The following EYA1 variants were observed in gnomAD, a reference collection of about 807,000 sequenced individuals.
EYA1 encodes the protein protein phosphatase EYA1.
In EYA1, 16 loss-of-function variants were observed where a neutral mutation model predicts 82.0. That is an observed-to-expected ratio of 0.20 (90% CI 0.13 to 0.30). EYA1 has a LOEUF of 0.30. Ranked by LOEUF, EYA1 falls within the 10% of genes least tolerant of loss-of-function variation. The pLI is 1.00. For missense variants in EYA1, 633 were observed against 730.7 expected (o/e 0.87, Z 1.54); for synonymous variants, 261 against 264.4 (o/e 0.99, Z 0.12).
intron 2 of EYA1, among the ~76,000 whole-genome samples, chr8:71,453,800 G>A (rs865913939): frequency 4.6e-5 from 7 of 152,092 alleles, no homozygotes; most frequent in Admixed American, 1.3e-4. Flanking sequence ...CAACAGGTAC[G>A]AGCCACTGCA....
intron 12 of EYA1, among the ~76,000 whole-genome samples, chr8:71,231,714 C>A (rs62507629): frequency 6.6e-6 from 1 of 152,328 alleles, no homozygotes; most frequent in South Asian, 2.1e-4. Context: ...GGACATTCAG[C>A]GCAAAGTAGC....
intron 2 of EYA1, among the ~76,000 whole-genome samples, chr8:71,392,591 C>A (rs925512306): frequency 3.9e-5 from 6 of 152,086 alleles, no homozygotes; most frequent in African/African-American, 1.4e-4. Flanking sequence ...TTGGCTGTCA[C>A]TGGAAATTTT....
chr8:71,252,932 G>A (rs183321288), intron 11 of EYA1, among the ~76,000 whole-genome samples: 7 of 152,238 alleles, frequency 4.6e-5, no homozygotes, highest in Admixed American at 3.9e-4. Context: ...TGACTGGGGG[G>A]AATAGGTCTT....
At chr8:71,269,053 T>C (rs1431369359) in intron 11 of EYA1, among the ~76,000 whole-genome samples, 1 of 152,214 alleles carries the variant, frequency 6.6e-6, no homozygotes, top group African/African-American at 2.4e-5. Context: ...AATAACATTT[T>C]TGCCTGGGAA....
At chr8:71,240,506 C>G (rs1812352508) in intron 12 of EYA1, among the ~76,000 whole-genome samples, 1 of 152,154 alleles carries the variant, frequency 6.6e-6, no homozygotes, top group African/African-American at 2.4e-5. Flanking sequence ...GCAATAGTTT[C>G]ATGTGCCACC....
At chr8:71,255,444 C>A (rs1814289730) in intron 11 of EYA1, among the ~76,000 whole-genome samples, 1 of 152,142 alleles carries the variant, frequency 6.6e-6, no homozygotes, top group South Asian at 2.1e-4. Context: ...TAAGCCCTCA[C>A]ATGTATGATA....
At chr8:71,523,562 T>C (rs11990807) in intron 2 of EYA1, among the ~76,000 whole-genome samples, 104,323 of 152,056 alleles carry the variant, frequency 0.69, 37,776 homozygotes, top group East Asian at 0.92. Flanking sequence ...ACCTTTGTCC[T>C]AAAAAGTTAA....
intron 2 of EYA1, among the ~76,000 whole-genome samples, chr8:71,520,354 G>A (rs190064629): frequency 2.5e-4 from 38 of 152,236 alleles, no homozygotes; most frequent in Non-Finnish European, 5.4e-4. Flanking sequence ...GAAGTCCAGA[G>A]CCAAAACTAA....
intron 2 of EYA1, among the ~76,000 whole-genome samples, chr8:71,370,631 GTTAAT>G (rs2129089037): frequency 1.3e-5 from 2 of 151,890 alleles, no homozygotes; most frequent in African/African-American, 4.8e-5. Flanking sequence ...TAATTACTTA[GTTAAT>G]TTAGAGGCAG....
intron 2 of EYA1, among the ~76,000 whole-genome samples, chr8:71,454,840 T>C (rs1379749986): frequency 6.6e-6 from 1 of 152,096 alleles, no homozygotes; most frequent in Non-Finnish European, 1.5e-5. Context: ...ATTGACACTG[T>C]GACATCACAA....
intron 2 of EYA1, among the ~76,000 whole-genome samples, chr8:71,398,569 C>G (rs1356726559): frequency 6.6e-6 from 1 of 152,180 alleles, no homozygotes; most frequent in African/African-American, 2.4e-5. Flanking sequence ...CACTCCAGAC[C>G]CTCTTTGCCT....
At chr8:71,485,934 G>A (rs1292897299) in intron 2 of EYA1, among the ~76,000 whole-genome samples, 1 of 152,144 alleles carries the variant, frequency 6.6e-6, no homozygotes, top group African/African-American at 2.4e-5. Context: ...GAGAAGAGTT[G>A]ATAGCTTTTG....
At chr8:71,357,518 G>A (rs942728817) in intron 1 of EYA1, among the ~76,000 whole-genome samples, 1 of 152,200 alleles carries the variant, frequency 6.6e-6, no homozygotes. Flanking sequence ...CGTTTAAAAT[G>A]GCTCAGAATT....
intron 9 of EYA1, among the ~76,000 whole-genome samples, chr8:71,273,308 CCAAATCAACT>C: frequency 6.6e-6 from 1 of 152,188 alleles, no homozygotes. Flanking sequence ...ATAAGAAAGT[CCAAATCAACT>C]CCACCCCATG....
intron 4 of EYA1, among the ~76,000 whole-genome samples, chr8:71,325,854 T>C (rs1252980117): frequency 2.0e-5 from 3 of 152,228 alleles, no homozygotes; most frequent in Admixed American, 1.3e-4. Context: ...GTCAAAAATC[T>C]ACCATCTTAT....
chr8:71,238,731 A>T lies in EYA1; in HGVS notation c.1140+5872T>A, dbSNP rs188852992. On this transcript the variant is annotated intron_variant, in intron 12 of 17. Transcript: ENST00000340726. ...TAGTTGATTTTCTTCAGTCTTCTAC[A>T]TATCAAATTATCTACAAAAATAATT... Among the ~76,000 whole-genome samples the T allele has an allele frequency of 5.9e-5, 9 of 152,234 alleles. 1 individual carries two copies. The East Asian group carries it at 1.2e-3, about 20-fold the overall frequency.
intron 2 of EYA1, among the ~76,000 whole-genome samples, chr8:71,435,463 G>A (rs2129165451): frequency 6.6e-6 from 1 of 151,886 alleles, no homozygotes; most frequent in South Asian, 2.1e-4. Context: ...TAAACTAAAT[G>A]AAAGTGAGCT....
rs1818485304 is a variant in EYA1 at position 71,287,211 on chromosome 8, T to C, written c.826+11836A>G. Among the ~76,000 whole-genome samples the C allele has an allele frequency of 2.0e-5, 3 of 152,184 alleles. No individual in the cohort carries two copies. In the South Asian group the frequency reaches 6.2e-4, roughly 31 times the overall value. Reference sequence around the variant, plus strand: ...CTCAGTGACTATTACCTTAGCAGAATAAAAGATTTAATGTAAAGGAATTGT... The same window carrying C: ...CTCAGTGACTATTACCTTAGCAGAACAAAAGATTTAATGTAAAGGAATTGT... On this transcript the variant is annotated intron_variant, in intron 9 of 17. Coordinates refer to ENST00000340726, the MANE Select transcript of EYA1 (RefSeq NM_000503.6).
At chr8:71,321,688 G>T in intron 6 of EYA1, 46 bp downstream of exon 6, 1 of 1,606,342 alleles carries the variant, frequency 6.2e-7, no homozygotes, top group Non-Finnish European at 8.5e-7. Context: ...GTTAATACAC[G>T]CATGCCCATG....
Sources: allele counts gnomAD v4.1 joint callset (sites outside exome capture counted in the v4.1 genomes callset), GRCh38; gene constraint gnomAD v4.1.1; transcripts MANE v1.5; gene names NCBI Gene and HGNC (gene_info 2026-07-23, HGNC 2026-07-21).